CASP10: variants seen among roughly 807,000 people sequenced by gnomAD.
The protein encoded by CASP10 is caspase 10.
A neutral mutation model predicts 48.5 loss-of-function variants in CASP10; 41 were observed. That is an observed-to-expected ratio of 0.85 (90% CI 0.66 to 1.10). The LOEUF (loss-of-function observed/expected upper bound fraction) is 1.10. Among genes scored for constraint, CASP10 ranks in the 50% least tolerant of loss-of-function variants. The pLI is 0.00. For synonymous variants in CASP10, 232 were observed against 238.4 expected, an observed-to-expected ratio of 0.97 and a Z score of 0.25; for missense variants, 614 against 614.5, an observed-to-expected ratio of 1.00 and a Z score of 0.01.
At chr2:201,229,179 A>G in exon 10 of CASP10, 1 of 1,487,978 alleles carries the variant, frequency 6.7e-7, no homozygotes, top group East Asian at 2.3e-5. Flanking sequence ...TTACAGCACC[A>G]CCTTGCGATT....
At position 201,210,643 on chromosome 2, in the gene CASP10, T is replaced by C. The variant is rs976460893; in HGVS notation, c.1415+1081T>C. Among the ~76,000 whole-genome samples, 4 of 152,226 alleles carry C rather than the reference T, an allele frequency of 2.6e-5. No individual in the cohort carries two copies. In the East Asian group the frequency reaches 5.8e-4, roughly 22 times the overall value. The stretch of plus-strand genomic sequence containing the variant: ...CTTTTCTCTCTTCTTTACCAGCCCC[T>C]CCATTCTCATCACAGACATCAGAGG... On this transcript the variant is annotated intron_variant, in intron 9 of 9. Transcript: ENST00000286186.
intron 6 of CASP10, 50 bp from the exon 7 acceptor site, chr2:201,205,832 A>G (rs773907758): frequency 1.1e-5 from 12 of 1,109,014 alleles, no homozygotes; most frequent in Non-Finnish European, 1.7e-5. Flanking sequence ...CAGTGAAGAA[A>G]TCTAAGTGCT....
chr2:201,206,770 A>G (rs2126043580), intron 7 of CASP10, among the ~76,000 whole-genome samples: 1 of 152,092 alleles, frequency 6.6e-6, no homozygotes, highest in African/African-American at 2.4e-5. Flanking sequence ...CAGAAATAAA[A>G]TTACAAAAGA....
chr2:201,193,056 G>T lies in CASP10; in HGVS notation c.514G>T (p.Asp172Tyr), dbSNP rs1345947839. 6.2e-7 allele frequency: 1 copy of T among 1,613,718 alleles called. No homozygotes were observed. Among genetic ancestry groups the T allele is most frequent in the Admixed American group, 1.7e-5 (1 of 60,004 alleles). Residue 172 changes from aspartate to tyrosine, a missense_variant, in exon 4 of 10, where the codon GAC (aspartate) becomes TAC (tyrosine). Asp to Tyr is a radical substitution (Grantham distance 160, BLOSUM62 -3). Transcript: ENST00000286186. ...TGAAGATAATCTGACATGCCTGGAGGACCTCTGCAAAACAGTTGTACCTAA... is the reference window on the plus strand; with the variant it reads ...TGAAGATAATCTGACATGCCTGGAGTACCTCTGCAAAACAGTTGTACCTAA... Reference protein sequence around the residue: ...IDEDNLTCLEDLCKTVVPKLL... With the variant: ...IDEDNLTCLEYLCKTVVPKLL...
At chr2:201,194,953 A>G (rs1944737757) in intron 4 of CASP10, among the ~76,000 whole-genome samples, 2 of 151,796 alleles carry the variant, frequency 1.3e-5, no homozygotes, top group Admixed American at 1.3e-4. Context: ...TAATTTTTGT[A>G]TTTTTAGTAG....
intron 2 of CASP10, chr2:201,186,398 GC>G (rs1395865025): frequency 2.2e-6 from 1 of 445,380 alleles, no homozygotes; most frequent in Non-Finnish European, 4.2e-6. Flanking sequence ...GTGTGGCAGA[GC>G]CCGTGTTTTC....
At chr2:201,195,582 T>A (rs1403342544) in intron 4 of CASP10, among the ~76,000 whole-genome samples, 1 of 152,182 alleles carries the variant, frequency 6.6e-6, no homozygotes, top group Non-Finnish European at 1.5e-5. Context: ...TCTGTAAGTG[T>A]GTGTGATCCA....
At chr2:201,201,103 G>T (rs541959200) in intron 5 of CASP10, among the ~76,000 whole-genome samples, 3 of 152,052 alleles carry the variant, frequency 2.0e-5, no homozygotes, top group African/African-American at 7.2e-5. Context: ...TGTCACCCAG[G>T]CTGGAGTGCA....
chr2:201,188,752 T>C (rs1944500784), intron 3 of CASP10, among the ~76,000 whole-genome samples: 1 of 152,172 alleles, frequency 6.6e-6, no homozygotes, highest in African/African-American at 2.4e-5. Context: ...ATAGGTAGTC[T>C]TGTTTTTTCA....
In CASP10 at chr2:201,219,676, A is replaced by C. The variant is rs767513426; in HGVS notation, c.*1935A>C. The C allele has an allele frequency of 4.2e-5, 41 of 983,788 alleles. No individual in the cohort carries two copies. The highest frequency in any genetic ancestry group is 4.6e-5 in the Non-Finnish European group (38 of 829,672). The allele number at this position is 983,788 out of a possible 1,614,324, so 60.9% of individuals were successfully genotyped here. A position where few individuals can be genotyped will look rare whatever the true frequency, so the allele number is the denominator to read the frequency against. ...AGGACGCCTTGATGCTTTCTTCATT[A>C]AGATTTTGAGCATTTTTACGTACTT... On this transcript the variant is annotated 3_prime_UTR_variant, in exon 10 of 10. Transcript: ENST00000286186.
chr2:201,203,304 CTTTCT>C (rs1339840195), intron 5 of CASP10, among the ~76,000 whole-genome samples: 1 of 137,484 alleles, frequency 7.3e-6, no homozygotes, highest in Non-Finnish European at 1.6e-5. Context: ...TGCCAATGAA[CTTTCT>C]TTTTTTTTTT....
chr2:201,208,964 C>T, intron 8 of CASP10, 106 bp from the exon 9 acceptor site: 3 of 1,249,296 alleles, frequency 2.4e-6, no homozygotes, highest in Non-Finnish European at 3.3e-6. Context: ...AGGTGTGAGC[C>T]ACTGTGCCCG....
At position 201,219,364 on chromosome 2, in the gene CASP10, C is replaced by A. The variant is rs1397721649; in HGVS notation, c.*1623C>A. ...TGAAGCAAAGAAGGGAATTTATTGC[C>A]TCTTTCACATTGAAACCCAGGAGTG... On this transcript the variant is annotated 3_prime_UTR_variant, in exon 10 of 10. Transcript: ENST00000286186. 2 of 827,238 alleles carry A rather than the reference C, an allele frequency of 2.4e-6. No homozygotes were observed. Among genetic ancestry groups the A allele is most frequent in the African/African-American group, 3.7e-5 (2 of 54,148 alleles). 51.2% of individuals were successfully genotyped at this position (827,238 alleles called of 1,614,324 possible). A position where few individuals can be genotyped will look rare whatever the true frequency, so the allele number is the denominator to read the frequency against.
In CASP10 at chr2:201,203,713, C is replaced by G. The variant is rs771303899; in HGVS notation, c.685-17C>G. ...GTGAAATTCCTATGTTTCATGCCCT[C>G]CTTTCTTTTTTCTCAGCAGGAGTCC... On this transcript the variant is annotated splice_polypyrimidine_tract_variant and intron_variant, in intron 5 of 9. Coordinates refer to ENST00000286186, the MANE Select transcript of CASP10 (RefSeq NM_032977.4). 1.2e-6 allele frequency: 2 copies of G among 1,611,624 alleles called. No individual in the cohort carries two copies. Among genetic ancestry groups the G allele is most frequent in the Admixed American group, 3.3e-5 (2 of 60,006 alleles).
At chr2:201,215,120 T>C (rs1249163572) in intron 9 of CASP10, among the ~76,000 whole-genome samples, 2 of 152,056 alleles carry the variant, frequency 1.3e-5, no homozygotes, top group African/African-American at 4.8e-5. Context: ...GTTGAGTTAT[T>C]TAAGTTCCTT....
At chr2:201,200,773 C>T in intron 5 of CASP10, 1 of 1,172,054 alleles carries the variant, frequency 8.5e-7, no homozygotes, top group Non-Finnish European at 1.1e-6. Context: ...CCCATCTCCC[C>T]CAATGGGAAA....
intron 2 of CASP10, 129 bp downstream of exon 2, chr2:201,186,253 A>T (rs1944413263): frequency 1.9e-5 from 14 of 725,272 alleles, no homozygotes; most frequent in Admixed American, 4.3e-5. Context: ...AAACCAGGAG[A>T]TTCTAAACCT....
Position 201,220,455 on chromosome 2 carries a change from AG to A in CASP10, c.*2715del, listed in dbSNP as rs1025697943. 1 of 153,584 alleles carries A rather than the reference AG, an allele frequency of 6.5e-6. No individual in the cohort carries two copies. The highest frequency in any genetic ancestry group is 1.4e-5 in the Non-Finnish European group (1 of 69,418). 9.5% of individuals were successfully genotyped at this position (153,584 alleles called of 1,614,324 possible). On this transcript the variant is annotated 3_prime_UTR_variant, in exon 10 of 10. Coordinates refer to ENST00000286186, the MANE Select transcript of CASP10 (RefSeq NM_032977.4). The stretch of plus-strand genomic sequence containing the variant: ...AGGTGCACTAAGTGGGGAAGCTAAA[AG>A]CAGACTGGAGGGGGGTGGGGTGTAC...
At chr2:201,184,430 C>G (rs901802353) in intron 1 of CASP10, among the ~76,000 whole-genome samples, 4 of 152,064 alleles carry the variant, frequency 2.6e-5, no homozygotes, top group African/African-American at 9.7e-5. Context: ...CTCAAATGAT[C>G]CTTCTGCTTC....
Sources: allele counts gnomAD v4.1 joint callset (sites outside exome capture counted in the v4.1 genomes callset), GRCh38; gene constraint gnomAD v4.1.1; transcripts MANE v1.5; gene names NCBI Gene and HGNC (gene_info 2026-07-23, HGNC 2026-07-21).